The following CAND1 variants were observed in gnomAD, a reference collection of about 807,000 sequenced individuals.
The protein encoded by CAND1 is cullin-associated NEDD8-dissociated protein 1.
A neutral mutation model predicts 108.5 loss-of-function variants in CAND1; 7 were observed. The observed-to-expected ratio is 0.06, with a 90% confidence interval of 0.04 to 0.12. The LOEUF is 0.12. Ranked by LOEUF, CAND1 falls within the 10% of genes least tolerant of loss-of-function variation. CAND1 has a pLI of 1.00. For missense variants in CAND1, 941 were observed against 1,448.7 expected, an observed-to-expected ratio of 0.65 and a Z score of 5.69; for synonymous variants, 534 against 512.0, an observed-to-expected ratio of 1.04 and a Z score of -0.58.
intron 1 of CAND1, among the ~76,000 whole-genome samples, chr12:67,276,413 G>A (rs2044569949): frequency 6.6e-6 from 1 of 152,104 alleles, no homozygotes; most frequent in South Asian, 2.1e-4. Flanking sequence ...TAATAGTCAG[G>A]GAAAACACAC....
rs2044992113 is a variant in CAND1 at position 67,314,822 on chromosome 12, T to G, written c.*1992T>G. On this transcript the variant is annotated 3_prime_UTR_variant, in exon 15 of 15. Transcript: ENST00000545606. ...CTTTTAGTACTAAAGAAATAGATAC[T>G]GCTCTTTTATGGCTTTAGTGTTTAT... The G allele has an allele frequency of 6.6e-6, 1 of 152,236 alleles. No homozygotes were observed. Among genetic ancestry groups the G allele is most frequent in the African/African-American group, 2.4e-5 (1 of 41,466 alleles). The allele number at this position is 152,236 out of a possible 1,614,324, so 9.4% of individuals were successfully genotyped here.
chr12:67,295,003 G>A, intron 3 of CAND1, 30 bp from the exon 4 acceptor site: 1 of 1,598,328 alleles, frequency 6.3e-7, no homozygotes, highest in South Asian at 1.1e-5. Flanking sequence ...TGCTTGCCTT[G>A]AAATTATTAT....
chr12:67,306,152 A>G lies in CAND1; in HGVS notation c.2484A>G (p.Ser828=), dbSNP rs201730536. ...AGTTTATTCAAGATGTCAAGAACTC[A>G]AGGTCTACAGATTCCATTCGTCTCT... ...VGQFIQDVKN[S]RSTDSIRLLA... The change falls in exon 10 of 15, where the codon TCA becomes TCG. Residue 828 remains serine (S), a synonymous_variant. Transcript: ENST00000545606. The G allele has an allele frequency of 6.2e-7, 1 of 1,613,976 alleles. No individual in the cohort carries two copies. Among genetic ancestry groups the G allele is most frequent in the Non-Finnish European group, 8.5e-7 (1 of 1,179,982 alleles).
chr12:67,278,593 A>C (rs993358447), intron 1 of CAND1, among the ~76,000 whole-genome samples: 10 of 152,056 alleles, frequency 6.6e-5, no homozygotes, highest in African/African-American at 2.4e-4. Flanking sequence ...ATCTCGGCTC[A>C]CTGCAACCTC....
chr12:67,276,956 G>C (rs915660258), intron 1 of CAND1, among the ~76,000 whole-genome samples: 3 of 152,156 alleles, frequency 2.0e-5, no homozygotes, highest in Non-Finnish European at 4.4e-5. Flanking sequence ...GTAGTTTGCA[G>C]TTTAACCAAA....
At chr12:67,302,154 A>G (rs1173647317) in intron 7 of CAND1, among the ~76,000 whole-genome samples, 169 bp from the exon 8 acceptor site, 1 of 152,244 alleles carries the variant, frequency 6.6e-6, no homozygotes, top group Non-Finnish European at 1.5e-5. Flanking sequence ...TTACAGAAAT[A>G]ACAAGCTCTT....
intron 3 of CAND1, 73 bp from the exon 4 acceptor site, chr12:67,294,960 G>GT (rs1427559579): frequency 6.7e-7 from 1 of 1,486,596 alleles, no homozygotes; most frequent in Non-Finnish European, 9.1e-7. Context: ...TAAATATTTG[G>GT]TAACTACCAT....
rs576778025 is a variant in CAND1 at position 67,315,717 on chromosome 12, T to A, written c.*2887T>A. 1 of 152,306 alleles carries A rather than the reference T, an allele frequency of 6.6e-6. No homozygotes were observed. Among genetic ancestry groups the A allele is most frequent in the South Asian group, 2.1e-4 (1 of 4,820 alleles). 9.4% of individuals were successfully genotyped at this position (152,306 alleles called of 1,614,324 possible). Reference sequence around the variant, plus strand: ...ATTAGTCTTTTTTTCTTCATACTTTTCTTCGGTAAATAGTGAAGAAATAAT... The same window carrying A: ...ATTAGTCTTTTTTTCTTCATACTTTACTTCGGTAAATAGTGAAGAAATAAT... On this transcript the variant is annotated 3_prime_UTR_variant, in exon 15 of 15. Transcript: ENST00000545606.
rs527636310 is a variant in CAND1 at position 67,269,609 on chromosome 12, C to G, written c.-109C>G. 315 of 926,044 alleles carry G rather than the reference C, an allele frequency of 3.4e-4. 6 individuals are homozygous for G. In the South Asian group the frequency reaches 4.7e-3, roughly 14 times the overall value. The allele number at this position is 926,044 out of a possible 1,614,324, so 57.4% of individuals were successfully genotyped here. A position where few individuals can be genotyped will look rare whatever the true frequency, so the allele number is the denominator to read the frequency against. ...CGGCGTCGCGCTGCGACCCTGGAAG[C>G]GGGAGCCGCCGCGAGCGAGAGGAGG... is the stretch of plus-strand genomic sequence containing the variant. On this transcript the variant is annotated 5_prime_UTR_variant, in exon 1 of 15. Coordinates refer to ENST00000545606, the MANE Select transcript of CAND1 (RefSeq NM_018448.5).
chr12:67,293,533 C>A (rs542571494), intron 3 of CAND1, among the ~76,000 whole-genome samples: 1 of 152,160 alleles, frequency 6.6e-6, no homozygotes, highest in African/African-American at 2.4e-5. Context: ...GCAGGTGGAT[C>A]ACCTGAGGTC....
In CAND1 at chr12:67,282,183, A is replaced by G. The variant is rs1035101702; in HGVS notation, c.212+130A>G. 92 of 896,824 alleles carry G rather than the reference A, an allele frequency of 1.0e-4. No homozygotes were observed. The South Asian group carries it at 1.3e-3, about 12-fold the overall frequency. The allele number at this position is 896,824 out of a possible 1,614,324, so 55.6% of individuals were successfully genotyped here. ...TCTAGTGTGTGTGTGTAGAATTTTT[A>G]GGTGACTAATGTTTAGTGTTTGTAT... On this transcript the variant is annotated intron_variant, in intron 2 of 14. Coordinates refer to ENST00000545606, the MANE Select transcript of CAND1 (RefSeq NM_018448.5).
At position 67,305,214 on chromosome 12, in the gene CAND1, C is replaced by T; in HGVS notation, c.1546C>T (p.His516Tyr). 3.7e-6 allele frequency: 6 copies of T among 1,614,194 alleles called. No individual in the cohort carries two copies. The highest frequency in any genetic ancestry group is 5.1e-6 in the Non-Finnish European group (6 of 1,180,034). ...CNHSPQVFHP[H>Y]VQALVPPVVA... ...CCATTCTCCTCAAGTCTTCCATCCTCACGTTCAGGCTTTGGTTCCTCCAGT... is the reference window on the plus strand; with the variant it reads ...CCATTCTCCTCAAGTCTTCCATCCTTACGTTCAGGCTTTGGTTCCTCCAGT... The change falls in exon 10 of 15, where the codon CAC (histidine) becomes TAC (tyrosine). Residue 516 changes from histidine to tyrosine, a missense_variant. This residue lies in a region of CAND1 where 697 missense variants were observed against 942.0 expected (regional missense o/e 0.74). Coordinates refer to ENST00000545606, the MANE Select transcript of CAND1 (RefSeq NM_018448.5). The surrounding 1 kb of genome is among the most constrained non-coding windows in gnomAD (Gnocchi z 4.4).
At chr12:67,277,161 T>G (rs560342071) in intron 1 of CAND1, among the ~76,000 whole-genome samples, 1 of 152,370 alleles carries the variant, frequency 6.6e-6, no homozygotes, top group South Asian at 2.1e-4. Flanking sequence ...GAACTATTAA[T>G]TTTAGTTTGT....
intron 1 of CAND1, among the ~76,000 whole-genome samples, chr12:67,278,920 C>T (rs895820174): frequency 1.3e-5 from 2 of 152,062 alleles, no homozygotes; most frequent in East Asian, 3.9e-4. Flanking sequence ...GTTAATATGC[C>T]TTTTACTAGA....
intron 2 of CAND1, among the ~76,000 whole-genome samples, chr12:67,286,562 A>ATT (rs35747245): frequency 0.019 from 2,791 of 143,184 alleles, 41 homozygotes; most frequent in African/African-American, 0.044. Flanking sequence ...TTTTTTGGCC[A>ATT]TTTTTTTTTT....
chr12:67,318,963 T>G lies in CAND1; in HGVS notation c.*6133T>G, dbSNP rs2045034552. 6.6e-6 allele frequency: 1 copy of G among 152,176 alleles called. No homozygotes were observed. 9.4% of individuals were successfully genotyped at this position (152,176 alleles called of 1,614,324 possible). A position where few individuals can be genotyped will look rare whatever the true frequency, so the allele number is the denominator to read the frequency against. On this transcript the variant is annotated 3_prime_UTR_variant, in exon 15 of 15. Transcript: ENST00000545606. ...GTTTTCAAATGAGTGTGCATCACAGTCACCTGTAAGACTTATTAAAACAGA... is the reference window on the plus strand; with the variant it reads ...GTTTTCAAATGAGTGTGCATCACAGGCACCTGTAAGACTTATTAAAACAGA...
At chr12:67,294,409 A>G (rs2044749809) in intron 3 of CAND1, among the ~76,000 whole-genome samples, 1 of 152,134 alleles carries the variant, frequency 6.6e-6, no homozygotes, top group African/African-American at 2.4e-5. Context: ...TTTTTAAAGA[A>G]GCTGCTAAGC....
chr12:67,315,712 ACTTTT>A lies in CAND1; in HGVS notation c.*2886_*2890del, dbSNP rs1194590986. ...ACCAAATTAGTCTTTTTTTCTTCAT[ACTTTT>A]CTTCGGTAAATAGTGAAGAAATAAT... On this transcript the variant is annotated 3_prime_UTR_variant, in exon 15 of 15. Transcript: ENST00000545606. 1.3e-5 allele frequency: 2 copies of A among 152,130 alleles called. No homozygotes were observed. Among genetic ancestry groups the A allele is most frequent in the Non-Finnish European group, 2.9e-5 (2 of 68,006 alleles). The allele number at this position is 152,130 out of a possible 1,614,324, so 9.4% of individuals were successfully genotyped here.
At chr12:67,304,156 A>AT (rs558089602) in intron 8 of CAND1, among the ~76,000 whole-genome samples, 1,564 of 151,758 alleles carry the variant, frequency 0.01, 8 homozygotes, top group Non-Finnish European at 0.016. Flanking sequence ...CGCCCAGCTA[A>AT]TTTTTGTATT....
Sources: gnomAD v4.1 joint callset for allele counts (sites outside exome capture counted in the v4.1 genomes callset) on GRCh38, gnomAD v4.1.1 for gene constraint, gnomAD v4.1.1 regional missense constraint, Gnocchi (gnomAD v3.1) non-coding constraint, MANE v1.5 for transcripts, NCBI Gene and HGNC (gene_info 2026-07-23, HGNC 2026-07-21) for gene names.